MAP1B: variants seen among roughly 807,000 people sequenced by gnomAD.
MAP1B encodes the protein microtubule associated protein 1B, also known as microtubule-associated protein 1B.
A neutral mutation model predicts 176.1 loss-of-function variants in MAP1B; 12 were observed. That is an observed-to-expected ratio of 0.07 (90% CI 0.04 to 0.11). The LOEUF is 0.11. Ranked by LOEUF, MAP1B falls within the 10% of genes least tolerant of loss-of-function variation. The pLI, the probability that MAP1B is intolerant of heterozygous loss-of-function variation, is 1.00. For synonymous variants in MAP1B, 1,044 were observed against 1,135.0 expected (o/e 0.92, Z 1.61); for missense variants, 2,523 against 2,990.5 (o/e 0.84, Z 3.65).
intron 2 of MAP1B, among the ~76,000 whole-genome samples, chr5:72,152,680 C>G (rs1353278723): frequency 1.3e-5 from 2 of 152,128 alleles, no homozygotes; most frequent in Non-Finnish European, 2.9e-5. Flanking sequence ...CTCCTGACCT[C>G]GAGTGATTCA....
chr5:72,111,205 C>T (rs912175585), intron 1 of MAP1B, among the ~76,000 whole-genome samples: 28 of 152,326 alleles, frequency 1.8e-4, no homozygotes, highest in Non-Finnish European at 3.8e-4. Flanking sequence ...AGAGGACATA[C>T]ATCCGTGTCT....
At chr5:72,187,884 T>G (rs1746943943) in intron 4 of MAP1B, among the ~76,000 whole-genome samples, 1 of 152,210 alleles carries the variant, frequency 6.6e-6, no homozygotes, top group Non-Finnish European at 1.5e-5. Flanking sequence ...AAGGAACATT[T>G]TTGAAGCCAC....
At chr5:72,129,349 A>G (rs912278951) in intron 2 of MAP1B, among the ~76,000 whole-genome samples, 2 of 152,204 alleles carry the variant, frequency 1.3e-5, no homozygotes, top group Non-Finnish European at 2.9e-5. Context: ...TGAGATCAGG[A>G]GTTCAAGACC....
At chr5:72,161,028 C>A (rs1746316361) in intron 2 of MAP1B, among the ~76,000 whole-genome samples, 1 of 152,128 alleles carries the variant, frequency 6.6e-6, no homozygotes, top group South Asian at 2.1e-4. Context: ...TGAATGGTAC[C>A]CCTGGGCCTG....
chr5:72,107,805 C>T, intron 1 of MAP1B, 90 bp downstream of exon 1: 1 of 1,381,272 alleles, frequency 7.2e-7, no homozygotes, highest in Non-Finnish European at 1.0e-6. Flanking sequence ...GCTCCTCCCG[C>T]GCGCCCCGCA....
At chr5:72,153,057 T>C (rs904699764) in intron 2 of MAP1B, among the ~76,000 whole-genome samples, 4 of 152,174 alleles carry the variant, frequency 2.6e-5, no homozygotes, top group Non-Finnish European at 5.9e-5. Context: ...AATTGCACCA[T>C]GGAAATGTCT....
At chr5:72,200,846 T>A (rs942331304) in intron 5 of MAP1B, among the ~76,000 whole-genome samples, 23 of 152,350 alleles carry the variant, frequency 1.5e-4, no homozygotes, top group Admixed American at 7.8e-4. Context: ...AAATTTTTTT[T>A]AAATTAAAAA....
At position 72,196,039 on chromosome 5, in the gene MAP1B, G is replaced by A. The variant is rs752571610; in HGVS notation, c.2684G>A (p.Gly895Glu). 1 of 1,614,064 alleles carries A rather than the reference G, an allele frequency of 6.2e-7. No homozygotes were observed. Among genetic ancestry groups the A allele is most frequent in the African/African-American group, 1.3e-5 (1 of 74,914 alleles). The change falls in exon 5 of 7, where the codon GGA (glycine) becomes GAA (glutamate). Residue 895 changes from glycine (G) to glutamate (E), a missense_variant. Physicochemically the swap from Gly to Glu is moderately conservative, Grantham distance 98. Transcript: ENST00000296755. This position sits in a 1 kb window ranked among gnomAD's most constrained non-coding sequence, Gnocchi z 5.3. ...GGTCCTGCCGAGTCCCCTGATGAGG[G>A]AATCACTACCACTGAAGGGGAGGGC... is the stretch of plus-strand genomic sequence containing the variant. ...TKGPAESPDE[G>E]ITTTEGEGEC...
At position 72,163,123 on chromosome 5, in the gene MAP1B, G is replaced by A. The variant is rs929433993; in HGVS notation, c.287-20620G>A. On this transcript the variant is annotated intron_variant, in intron 2 of 6. Coordinates refer to ENST00000296755, the MANE Select transcript of MAP1B (RefSeq NM_005909.5). ...CGTGCCTATAGTCCCAGCTACTTGG[G>A]AGACTGAGGCAGGAGAATTGCTTGA... Among the ~76,000 whole-genome samples, 6 of 151,586 alleles carry A rather than the reference G, an allele frequency of 4.0e-5. No homozygotes were observed. The South Asian group carries it at 8.4e-4, about 21-fold the overall frequency.
Position 72,197,304 on chromosome 5 carries a change from A to G in MAP1B, c.3949A>G (p.Thr1317Ala). ...EEHCASPEDK[T>A]LEVVSPSQSV... ...ACATTGTGCTAGTCCTGAGGACAAG[A>G]CTCTGGAAGTGGTGTCACCATCTCA... The change falls in exon 5 of 7, where the codon ACT (threonine) becomes GCT (alanine). Residue 1317 changes from threonine to alanine, a missense_variant. Physicochemically the swap from Thr to Ala is moderately conservative, Grantham distance 58. Coordinates refer to ENST00000296755, the MANE Select transcript of MAP1B (RefSeq NM_005909.5). 1 of 1,614,070 alleles carries G rather than the reference A, an allele frequency of 6.2e-7. No individual in the cohort carries two copies. The highest frequency in any genetic ancestry group is 8.5e-7 in the Non-Finnish European group (1 of 1,179,980).
chr5:72,152,751 C>A (rs563166125), intron 2 of MAP1B, among the ~76,000 whole-genome samples: 1 of 152,156 alleles, frequency 6.6e-6, no homozygotes, highest in Non-Finnish European at 1.5e-5. Context: ...ATTTTTATAG[C>A]ATTTCTTATA....
chr5:72,122,151 G>T (rs530189265), intron 2 of MAP1B, among the ~76,000 whole-genome samples: 12 of 152,316 alleles, frequency 7.9e-5, no homozygotes, highest in Non-Finnish European at 1.2e-4. Context: ...TGAGGTCATT[G>T]CTGCCTGCCT....
chr5:72,190,336 T>C (rs1747000503), intron 4 of MAP1B, among the ~76,000 whole-genome samples: 1 of 152,160 alleles, frequency 6.6e-6, no homozygotes, highest in Non-Finnish European at 1.5e-5. Context: ...GCCATGCCAA[T>C]GAGGTACCTT....
At chr5:72,205,027 T>G (rs1317713269) in intron 6 of MAP1B, 57 bp from the exon 7 acceptor site, 1 of 1,466,528 alleles carries the variant, frequency 6.8e-7, no homozygotes, top group African/African-American at 1.4e-5. Context: ...TTCAATTTTT[T>G]TCATATGGTT....
At position 72,196,571 on chromosome 5, in the gene MAP1B, A is replaced by G. The variant is rs2112237251; in HGVS notation, c.3216A>G (p.Leu1072=). The change falls in exon 5 of 7, where the codon CTA becomes CTG. Residue 1072 remains leucine, a synonymous_variant. Coordinates refer to ENST00000296755, the MANE Select transcript of MAP1B (RefSeq NM_005909.5). The surrounding 1 kb of genome is among the most constrained non-coding windows in gnomAD (Gnocchi z 5.3). ...TCCTCACCACACCAACCAAGCAACT[A>G]GGAGCCCAGTCTCCTGGCCGAGAAC... ...YGFLTTPTKQ[L]GAQSPGREPA... 2 of 1,613,834 alleles carry G rather than the reference A, an allele frequency of 1.2e-6. No homozygotes were observed. The highest frequency in any genetic ancestry group is 8.5e-7 in the Non-Finnish European group (1 of 1,180,038).
At chr5:72,124,745 A>G (rs1244172382) in intron 2 of MAP1B, among the ~76,000 whole-genome samples, 5 of 152,234 alleles carry the variant, frequency 3.3e-5, no homozygotes, top group Admixed American at 1.3e-4. Context: ...GTGAGTAAAC[A>G]CGCCACTGTT....
chr5:72,133,935 A>C (rs192955260), intron 2 of MAP1B, among the ~76,000 whole-genome samples: 312 of 152,328 alleles, frequency 2.0e-3, no homozygotes, highest in African/African-American at 7.2e-3. Flanking sequence ...ATTTTTCTTT[A>C]ATCAGAATCT....
chr5:72,160,311 GC>G (rs578207676), intron 2 of MAP1B, among the ~76,000 whole-genome samples: 2 of 151,884 alleles, frequency 1.3e-5, no homozygotes, highest in Non-Finnish European at 2.9e-5. Flanking sequence ...TTGATCAAGA[GC>G]AATGGTATTA....
chr5:72,195,955 T>C lies in MAP1B; in HGVS notation c.2600T>C (p.Leu867Pro). 6.2e-7 allele frequency: 1 copy of C among 1,614,060 alleles called. No individual in the cohort carries two copies. Among genetic ancestry groups the C allele is most frequent in the Non-Finnish European group, 8.5e-7 (1 of 1,180,012 alleles). Reference sequence around the variant, plus strand: ...GAGCTAATCGAAGACGAAGAGAAACTGAAGGAAACTGAGCCAGTCGAAGCC... The same window carrying C: ...GAGCTAATCGAAGACGAAGAGAAACCGAAGGAAACTGAGCCAGTCGAAGCC... The part of the protein sequence containing the change: ...QLELIEDEEK[L>P]KETEPVEAYV... Residue 867 changes from leucine (L) to proline (P), a missense_variant, in exon 5 of 7, where the codon CTG becomes CCG. Around this residue, in one of 4 missense-constraint regions of MAP1B, gnomAD observed 1,925 missense variants for 2,126.0 expected, o/e 0.91. Transcript: ENST00000296755.
Sources: gnomAD v4.1 joint callset for allele counts (sites outside exome capture counted in the v4.1 genomes callset) on GRCh38, gnomAD v4.1.1 for gene constraint, gnomAD v4.1.1 regional missense constraint, Gnocchi (gnomAD v3.1) non-coding constraint, MANE v1.5 for transcripts, NCBI Gene and HGNC (gene_info 2026-07-23, HGNC 2026-07-21) for gene names.